PRMT8: variants seen among roughly 807,000 people sequenced by gnomAD.
PRMT8 encodes the protein protein arginine methyltransferase 8.
PRMT8 carries 7 observed loss-of-function variants against 47.1 expected under a neutral mutation model. The ratio of observed to expected loss-of-function variants is 0.15; its 90% CI spans 0.08 to 0.28. The LOEUF is 0.28. PRMT8 is among the 10% of genes least tolerant of loss of function. The pLI, the probability that PRMT8 is intolerant of heterozygous loss-of-function variation, is 1.00. For missense variants in PRMT8, 237 were observed against 505.4 expected, an observed-to-expected ratio of 0.47 and a Z score of 5.09; for synonymous variants, 188 against 186.5, an observed-to-expected ratio of 1.01 and a Z score of -0.07.
chr12:3,586,321 G>A (rs1867172282), intron 8 of PRMT8, among the ~76,000 whole-genome samples: 2 of 152,152 alleles, frequency 1.3e-5, no homozygotes, highest in Admixed American at 6.5e-5. Context: ...AGTGTTGAAG[G>A]CTCTAACCCA....
intron 1 of PRMT8, among the ~76,000 whole-genome samples, chr12:3,415,771 T>C (rs1393004173): frequency 2.0e-5 from 3 of 152,190 alleles, no homozygotes; most frequent in African/African-American, 7.2e-5. Context: ...TCACTGTCGT[T>C]GTATGCATGC....
rs1483536748 is a variant in PRMT8, at chr12:3,550,031, G to A, written c.357G>A (p.Gly119=). 1 of 1,614,248 alleles carries A rather than the reference G, an allele frequency of 6.2e-7. No homozygotes were observed. Among genetic ancestry groups the A allele is most frequent in the East Asian group, 2.2e-5 (1 of 44,886 alleles). The change falls in exon 3 of 10, where the codon GGG becomes GGA. Residue 119 remains glycine, a synonymous_variant. Coordinates refer to ENST00000382622, the MANE Select transcript of PRMT8 (RefSeq NM_019854.5). This position sits in a 1 kb window ranked among gnomAD's most constrained non-coding sequence, Gnocchi z 5.1. ...VFKDKVVLDV[G]SGTGILSMFA... ...AGGACAAAGTGGTACTGGATGTGGG[G>A]AGTGGTACTGGGATCCTTTCCATGT...
intron 1 of PRMT8, among the ~76,000 whole-genome samples, chr12:3,397,541 A>G (rs995501072): frequency 1.3e-5 from 2 of 151,140 alleles, no homozygotes; most frequent in Non-Finnish European, 2.9e-5. Context: ...GGGGTCAGGG[A>G]CCCACTTGAG....
chr12:3,541,340 A>G lies in PRMT8; in HGVS notation c.261+549A>G, dbSNP rs537952430. On this transcript the variant is annotated intron_variant, in intron 2 of 9. Coordinates refer to ENST00000382622, the MANE Select transcript of PRMT8 (RefSeq NM_019854.5). ...AGTTTACCCCATAGCAGGGAAGACT[A>G]ATGTTGACTATGGAACAGAACAGAA... 2.0e-5 allele frequency among the ~76,000 whole-genome samples: 3 copies of G among 152,282 alleles called. No individual in the cohort carries two copies. The South Asian group carries it at 6.2e-4, about 32-fold the overall frequency.
In PRMT8 at chr12:3,508,781, A is replaced by G. The variant is rs1865669310; in HGVS notation, c.75+17081A>G. The stretch of plus-strand genomic sequence containing the variant: ...AGGCATAGCTGCCTGCCTGCGGGAC[A>G]TCTTCACTGAGATGTCTCATAGGCA... On this transcript the variant is annotated intron_variant, in intron 1 of 9. Transcript: ENST00000382622. This position sits in a 1 kb window ranked among gnomAD's most constrained non-coding sequence, Gnocchi z 4.9. 6.6e-6 allele frequency among the ~76,000 whole-genome samples: 1 copy of G among 152,156 alleles called. No individual in the cohort carries two copies. The highest frequency in any genetic ancestry group is 1.5e-5 in the Non-Finnish European group (1 of 68,026).
chr12:3,592,619 G>A (rs71534240), intron 9 of PRMT8, among the ~76,000 whole-genome samples: 2,039 of 152,174 alleles, frequency 0.013, 19 homozygotes, highest in Non-Finnish European at 0.021. Context: ...CCTGTGAGGG[G>A]CTTTCAAATA....
chr12:3,495,168 A>G (rs752053601), intron 1 of PRMT8, among the ~76,000 whole-genome samples: 15 of 152,168 alleles, frequency 9.9e-5, no homozygotes, highest in Non-Finnish European at 2.2e-4. Flanking sequence ...TCACTAAGGC[A>G]CTTTCCTCTG....
intron 4 of PRMT8, among the ~76,000 whole-genome samples, chr12:3,563,568 G>GT (rs1334571680): frequency 2.0e-5 from 3 of 152,084 alleles, no homozygotes; most frequent in Non-Finnish European, 4.4e-5. Context: ...AGAAGGGTAG[G>GT]TTAGTCCTTT....
At chr12:3,414,644 A>G (rs1864466409) in intron 1 of PRMT8, among the ~76,000 whole-genome samples, 1 of 152,124 alleles carries the variant, frequency 6.6e-6, no homozygotes, top group South Asian at 2.1e-4. Context: ...TCCAGAAAGA[A>G]TCAGGTCACA....
chr12:3,519,834 G>C (rs2137139768), intron 1 of PRMT8, among the ~76,000 whole-genome samples: 1 of 152,296 alleles, frequency 6.6e-6, no homozygotes, highest in Non-Finnish European at 1.5e-5. Flanking sequence ...CTGTTAAAGG[G>C]GCCATGGTTG....
At chr12:3,461,416 AT>A (rs147170481) in intron 1 of PRMT8, among the ~76,000 whole-genome samples, 109 of 152,302 alleles carry the variant, frequency 7.2e-4, no homozygotes, top group African/African-American at 2.5e-3. Context: ...GGTGTGTGTG[AT>A]GTCCCTCTCC....
chr12:3,458,419 G>A (rs1331890582), intron 1 of PRMT8, among the ~76,000 whole-genome samples: 2 of 152,174 alleles, frequency 1.3e-5, no homozygotes, highest in Non-Finnish European at 2.9e-5. Flanking sequence ...CTTAACCCAA[G>A]TGGGTGCCAG....
At chr12:3,390,764 A>G (rs1306116072) in intron 1 of PRMT8, among the ~76,000 whole-genome samples, 2 of 152,212 alleles carry the variant, frequency 1.3e-5, no homozygotes, top group African/African-American at 4.8e-5. Flanking sequence ...CACTCGTTAC[A>G]ATTCATGGTC....
chr12:3,572,017 G>A lies in PRMT8; in HGVS notation c.712+2453G>A, dbSNP rs1404556300. Among the ~76,000 whole-genome samples the A allele has an allele frequency of 2.0e-5, 3 of 152,128 alleles. No homozygotes were observed. Among genetic ancestry groups the A allele is most frequent in the Non-Finnish European group, 4.4e-5 (3 of 68,016 alleles). On this transcript the variant is annotated intron_variant, in intron 6 of 9. Coordinates refer to ENST00000382622, the MANE Select transcript of PRMT8 (RefSeq NM_019854.5). This position sits in a 1 kb window ranked among gnomAD's most constrained non-coding sequence, Gnocchi z 5.9. ...CAGAAAGTAAGTTGTTAGAGGGAGA[G>A]CTTTCTTTCCTTTCCTCTCCTTTCC...
intron 1 of PRMT8, among the ~76,000 whole-genome samples, chr12:3,387,495 G>A (rs1864153521): frequency 6.6e-6 from 1 of 152,156 alleles, no homozygotes; most frequent in Admixed American, 6.5e-5. Context: ...ACTCCAGAAT[G>A]GGCTAATGGC....
intron 1 of PRMT8, among the ~76,000 whole-genome samples, chr12:3,449,399 T>G (rs1321603986): frequency 6.6e-6 from 1 of 152,230 alleles, no homozygotes; most frequent in Non-Finnish European, 1.5e-5. Context: ...CCAGCATCTG[T>G]AGTTTCTTGA....
At chr12:3,547,103 T>C (rs1228410065) in intron 2 of PRMT8, among the ~76,000 whole-genome samples, 1 of 152,188 alleles carries the variant, frequency 6.6e-6, no homozygotes, top group African/African-American at 2.4e-5. Flanking sequence ...AAGTTAAAAA[T>C]GGAAGGGAAC....
At chr12:3,396,025 G>T (rs1305827132) in intron 1 of PRMT8, among the ~76,000 whole-genome samples, 2 of 151,894 alleles carry the variant, frequency 1.3e-5, no homozygotes, top group African/African-American at 4.8e-5. Context: ...TCAGAGACTA[G>T]GATTGCAACC....
chr12:3,589,364 A>C (rs1867251248), intron 8 of PRMT8, among the ~76,000 whole-genome samples: 1 of 152,184 alleles, frequency 6.6e-6, no homozygotes, highest in Non-Finnish European at 1.5e-5. Flanking sequence ...CATATTCTGC[A>C]GATGTGGAAA....
Sources: allele counts gnomAD v4.1 joint callset (sites outside exome capture counted in the v4.1 genomes callset), GRCh38; gene constraint gnomAD v4.1.1; non-coding constraint Gnocchi (gnomAD v3.1); transcripts MANE v1.5; gene names NCBI Gene and HGNC (gene_info 2026-07-23, HGNC 2026-07-21).